CFAP97D2: variants seen among roughly 807,000 people sequenced by gnomAD.
CFAP97D2 encodes the protein CFAP97 domain containing 2.
At chr13:114,219,071 A>G (rs2081008365) in intron 4 of CFAP97D2, among the ~76,000 whole-genome samples, 1 of 152,226 alleles carries the variant, frequency 6.6e-6, no homozygotes, top group Non-Finnish European at 1.5e-5. Context: ...AAAAGAAACT[A>G]CCATCAGAGT....
In CFAP97D2 at chr13:114,200,564, C is replaced by G. The variant is rs568358902; in HGVS notation, c.290+121C>G. 82 of 392,118 alleles carry G rather than the reference C, an allele frequency of 2.1e-4. 1 individual carries two copies. In the Admixed American group the frequency reaches 2.9e-3, roughly 14 times the overall value. The allele number at this position is 392,118 out of a possible 1,614,324, so 24.3% of individuals were successfully genotyped here. A position where few individuals can be genotyped will look rare whatever the true frequency, so the allele number is the denominator to read the frequency against. ...GAGTCGAGGCGTTTCTGTCCTCTCC[C>G]GAAAACAGCCACAGCTCTGAGGAGT... On this transcript the variant is annotated intron_variant, in intron 3 of 4. Transcript: ENST00000646158.
chr13:114,200,540 A>G, intron 3 of CFAP97D2, 97 bp downstream of exon 3: 1 of 395,836 alleles, frequency 2.5e-6, no homozygotes, highest in Non-Finnish European at 4.4e-6. Context: ...CGTGGGTGGG[A>G]GTCGAGGCGT....
At chr13:114,180,715 G>A (rs1326244779) in intron 1 of CFAP97D2, among the ~76,000 whole-genome samples, 1 of 152,212 alleles carries the variant, frequency 6.6e-6, no homozygotes, top group Non-Finnish European at 1.5e-5. Context: ...CAGTGGGTAA[G>A]GCAATAGCAC....
chr13:114,211,156 C>T lies in CFAP97D2; in HGVS notation c.291-756C>T, dbSNP rs1275206128. 3.3e-5 allele frequency among the ~76,000 whole-genome samples: 5 copies of T among 152,190 alleles called. No homozygotes were observed. Among genetic ancestry groups the T allele is most frequent in the African/African-American group, 7.2e-5 (3 of 41,454 alleles). On this transcript the variant is annotated intron_variant, in intron 3 of 4. Transcript: ENST00000646158. This position sits in a 1 kb window ranked among gnomAD's most constrained non-coding sequence, Gnocchi z 4.2. ...ACCCTGGTGGGTTCTTTACTTCGTG[C>T]TCCTCTGTGCTCCACAGCCAGGGTC... is the stretch of plus-strand genomic sequence containing the variant.
chr13:114,205,480 C>G (rs961600208), intron 3 of CFAP97D2, among the ~76,000 whole-genome samples: 3 of 152,186 alleles, frequency 2.0e-5, no homozygotes, highest in African/African-American at 4.8e-5. Context: ...TTTCTATATG[C>G]AAGATCATAT....
rs2080852375 is a variant in CFAP97D2 at position 114,185,907 on chromosome 13, G to A, written c.90+6487G>A. ...AGGCAGACGGACTCCTGGGCAGAAG[G>A]GGTCAGGTTCCTGGTGAAGCCCCAC... is the stretch of plus-strand genomic sequence containing the variant. On this transcript the variant is annotated intron_variant, in intron 1 of 4. Coordinates refer to ENST00000646158, the Ensembl canonical transcript of CFAP97D2. The surrounding 1 kb of genome is among the most constrained non-coding windows in gnomAD (Gnocchi z 5.2). Among the ~76,000 whole-genome samples, 1 of 152,248 alleles carries A rather than the reference G, an allele frequency of 6.6e-6. No homozygotes were observed. Among genetic ancestry groups the A allele is most frequent in the Non-Finnish European group, 1.5e-5 (1 of 68,038 alleles).
chr13:114,201,148 G>A (rs1462313199), intron 3 of CFAP97D2, among the ~76,000 whole-genome samples: 1 of 152,090 alleles, frequency 6.6e-6, no homozygotes, highest in Non-Finnish European at 1.5e-5. Flanking sequence ...AATCCTAAAA[G>A]CCTCTCTTGT....
At chr13:114,216,493 A>G (rs762952057) in intron 4 of CFAP97D2, among the ~76,000 whole-genome samples, 1 of 149,118 alleles carries the variant, frequency 6.7e-6, no homozygotes, top group East Asian at 2.0e-4. Context: ...TCCTGTGTCC[A>G]TGTGTTCTCA....
intron 1 of CFAP97D2, among the ~76,000 whole-genome samples, chr13:114,182,001 T>C (rs916806601): frequency 1.3e-5 from 2 of 152,048 alleles, no homozygotes; most frequent in Middle Eastern, 3.4e-3. Flanking sequence ...AGAGACAAAG[T>C]ATAGAGAAAT....
intron 1 of CFAP97D2, among the ~76,000 whole-genome samples, chr13:114,193,525 T>C (rs2080876177): frequency 6.6e-6 from 1 of 152,138 alleles, no homozygotes; most frequent in Admixed American, 6.5e-5. Context: ...ATGGACTCTG[T>C]GTCCCCATGT....
chr13:114,196,012 G>A (rs1300668287), intron 1 of CFAP97D2, among the ~76,000 whole-genome samples: 1 of 149,392 alleles, frequency 6.7e-6, no homozygotes, highest in East Asian at 2.0e-4. Flanking sequence ...GAACCCGGCA[G>A]ACGGAGCTTG....
At chr13:114,201,093 A>G (rs1471022366) in intron 3 of CFAP97D2, among the ~76,000 whole-genome samples, 2 of 152,102 alleles carry the variant, frequency 1.3e-5, no homozygotes, top group Admixed American at 1.3e-4. Context: ...GAATATCAGC[A>G]GGCTTTCATA....
At position 114,185,420 on chromosome 13, in the gene CFAP97D2, G is replaced by C. The variant is rs911738563; in HGVS notation, c.90+6000G>C. On this transcript the variant is annotated intron_variant, in intron 1 of 4. Coordinates refer to ENST00000646158, the Ensembl canonical transcript of CFAP97D2. The surrounding 1 kb of genome is among the most constrained non-coding windows in gnomAD (Gnocchi z 5.2). ...CCCCGGCTGTGAGGAGGCATGGCCA[G>C]GGCTGCACACTCCACGGAGCCTGTG... is the stretch of plus-strand genomic sequence containing the variant. 6.6e-6 allele frequency among the ~76,000 whole-genome samples: 1 copy of C among 152,194 alleles called. No individual in the cohort carries two copies. The highest frequency in any genetic ancestry group is 2.4e-5 in the African/African-American group (1 of 41,450).
chr13:114,221,028 C>T (rs1382979635), intron 4 of CFAP97D2, among the ~76,000 whole-genome samples: 1 of 152,228 alleles, frequency 6.6e-6, no homozygotes, highest in Non-Finnish European at 1.5e-5. Context: ...ACAGGCGGAT[C>T]ACGATTTCAG....
intron 3 of CFAP97D2, 119 bp downstream of exon 3, chr13:114,200,562 C>T: frequency 2.5e-6 from 1 of 392,746 alleles, no homozygotes; most frequent in Non-Finnish European, 4.5e-6. Context: ...TCTGTCCTCT[C>T]CCGAAAACAG....
At chr13:114,216,082 T>G (rs751643826) in intron 4 of CFAP97D2, among the ~76,000 whole-genome samples, 13 of 152,186 alleles carry the variant, frequency 8.5e-5, no homozygotes, top group Non-Finnish European at 1.5e-4. Context: ...ATCTCACTAG[T>G]GGACTGAATT....
Position 114,189,688 on chromosome 13 carries a change from A to G in CFAP97D2, c.91-6708A>G, listed in dbSNP as rs2080862759. ...TCATCATTCAAAAATCAATGTAATTAATCACATCAATGGGCTAAAAAAAGA... is the reference window on the plus strand; with the variant it reads ...TCATCATTCAAAAATCAATGTAATTGATCACATCAATGGGCTAAAAAAAGA... On this transcript the variant is annotated intron_variant, in intron 1 of 4. Transcript: ENST00000646158. The surrounding 1 kb of genome is among the most constrained non-coding windows in gnomAD (Gnocchi z 4.5). Among the ~76,000 whole-genome samples the G allele has an allele frequency of 6.6e-6, 1 of 152,144 alleles. No individual in the cohort carries two copies. The highest frequency in any genetic ancestry group is 1.5e-5 in the Non-Finnish European group (1 of 68,016).
intron 4 of CFAP97D2, among the ~76,000 whole-genome samples, chr13:114,217,409 G>A (rs2080998935): frequency 6.6e-6 from 1 of 152,160 alleles, no homozygotes; most frequent in African/African-American, 2.4e-5. Context: ...AAAAAGTCCA[G>A]GACCAGATGG....
intron 3 of CFAP97D2, among the ~76,000 whole-genome samples, chr13:114,210,909 G>T (rs2080964301): frequency 6.7e-6 from 1 of 150,124 alleles, no homozygotes; most frequent in Non-Finnish European, 1.5e-5. Flanking sequence ...GCTCTGAGAT[G>T]GAGATGCATC....
Sources: allele counts gnomAD v4.1 joint callset (sites outside exome capture counted in the v4.1 genomes callset), GRCh38; gene constraint gnomAD v4.1.1; non-coding constraint Gnocchi (gnomAD v3.1); transcripts MANE v1.5; gene names NCBI Gene and HGNC (gene_info 2026-07-23, HGNC 2026-07-21).